Variants in FCHSD2 observed in about 807,000 individuals in gnomAD.
FCHSD2 encodes the protein F-BAR and double SH3 domains protein 2.
FCHSD2 carries 38 observed loss-of-function variants against 108.1 expected under a neutral mutation model. The observed-to-expected ratio is 0.35, with a 90% CI of 0.27 to 0.46. The LOEUF (loss-of-function observed/expected upper bound fraction) is 0.46. FCHSD2 is among the 20% of genes least tolerant of loss of function. FCHSD2 has a pLI of 1.00. For synonymous variants in FCHSD2, 279 were observed against 314.7 expected (o/e 0.89, Z 1.20); for missense variants, 751 against 897.8 (o/e 0.84, Z 2.09).
chr11:72,840,849 C>T (rs768476009), intron 19 of FCHSD2, 28 bp downstream of exon 19: 10 of 1,522,080 alleles, frequency 6.6e-6, no homozygotes, highest in Admixed American at 3.3e-5. Context: ...ACTATGCATT[C>T]GATAATCCTG....
intron 5 of FCHSD2, among the ~76,000 whole-genome samples, chr11:72,989,959 G>C (rs1339275493): frequency 6.6e-6 from 1 of 152,182 alleles, no homozygotes; most frequent in Admixed American, 6.5e-5. Context: ...TAGTGTGGAG[G>C]AGGGCAAGGA....
intron 3 of FCHSD2, among the ~76,000 whole-genome samples, chr11:73,022,842 ACAGATAGAT>A (rs1858140011): frequency 6.6e-6 from 1 of 152,132 alleles, no homozygotes; most frequent in Non-Finnish European, 1.5e-5. Context: ...AAAAGAATGG[ACAGATAGAT>A]CAGTGGAACA....
chr11:72,839,346 AGAG>A (rs1301552086), intron 19 of FCHSD2, among the ~76,000 whole-genome samples: 25 of 152,342 alleles, frequency 1.6e-4, no homozygotes, highest in African/African-American at 5.1e-4. Flanking sequence ...TGTAGGCAAA[AGAG>A]GAGTTTTTGG....
At chr11:72,857,475 G>T (rs1242002619) in intron 13 of FCHSD2, among the ~76,000 whole-genome samples, 42 of 110,048 alleles carry the variant, frequency 3.8e-4, no homozygotes, top group Middle Eastern at 7.9e-3. Context: ...TTTCACTCTT[G>T]TCGCCCAGGC....
At chr11:72,903,560 C>A (rs1855571580) in intron 9 of FCHSD2, among the ~76,000 whole-genome samples, 1 of 151,840 alleles carries the variant, frequency 6.6e-6, no homozygotes, top group Non-Finnish European at 1.5e-5. Context: ...GGCAGCATAA[C>A]AAATAGCACA....
chr11:73,097,758 A>C (rs1293286626), intron 2 of FCHSD2, among the ~76,000 whole-genome samples: 1 of 151,906 alleles, frequency 6.6e-6, no homozygotes, highest in African/African-American at 2.4e-5. Flanking sequence ...TTTTTGAAGA[A>C]TTATTATTCA....
At chr11:73,107,479 A>AT (rs1238546494) in intron 2 of FCHSD2, among the ~76,000 whole-genome samples, 1 of 152,226 alleles carries the variant, frequency 6.6e-6, no homozygotes, top group Admixed American at 6.5e-5. Flanking sequence ...CGCCTCAAGC[A>AT]TTTACGCTTT....
At chr11:72,927,406 T>C (rs1057437263) in intron 8 of FCHSD2, among the ~76,000 whole-genome samples, 47 of 152,178 alleles carry the variant, frequency 3.1e-4, no homozygotes, top group Admixed American at 7.2e-4. Flanking sequence ...GATGATGGTG[T>C]CAGTGTAGGT....
chr11:73,112,967 G>A (rs891422530), intron 2 of FCHSD2, among the ~76,000 whole-genome samples: 4 of 152,118 alleles, frequency 2.6e-5, no homozygotes, highest in Admixed American at 6.5e-5. Context: ...CCCTCGGCCA[G>A]ATATGCCCTT....
intron 19 of FCHSD2, among the ~76,000 whole-genome samples, chr11:72,840,238 A>C (rs1860872780): frequency 6.6e-6 from 1 of 152,230 alleles, no homozygotes. Context: ...ATAAAGACTC[A>C]AGTCCTTAAG....
At position 72,837,662 on chromosome 11, in the gene FCHSD2, G is replaced by A. The variant is rs1860771644; in HGVS notation, c.*1129C>T. The stretch of plus-strand genomic sequence containing the variant: ...CACAGAAGACACTTGTCTTTTCCTG[G>A]TCAATCTGTACTTGTGCAGGGTGCG... On this transcript the variant is annotated 3_prime_UTR_variant, in exon 20 of 20. Coordinates refer to ENST00000409418, the MANE Select transcript of FCHSD2 (RefSeq NM_014824.3). 1 of 152,198 alleles carries A rather than the reference G, an allele frequency of 6.6e-6. No individual in the cohort carries two copies. The highest frequency in any genetic ancestry group is 2.1e-4 in the South Asian group (1 of 4,832). The allele number at this position is 152,198 out of a possible 1,614,324, so 9.4% of individuals were successfully genotyped here. A position where few individuals can be genotyped will look rare whatever the true frequency, so the allele number is the denominator to read the frequency against.
intron 12 of FCHSD2, among the ~76,000 whole-genome samples, chr11:72,880,469 A>G (rs972433833): frequency 1.3e-5 from 2 of 152,132 alleles, no homozygotes; most frequent in Non-Finnish European, 2.9e-5. Flanking sequence ...CCAATTTACA[A>G]AGGTGCTAAG....
At chr11:73,117,633 GCAAGCACAA>G (rs1860634768) in intron 2 of FCHSD2, among the ~76,000 whole-genome samples, 1 of 152,112 alleles carries the variant, frequency 6.6e-6, no homozygotes, top group African/African-American at 2.4e-5. Flanking sequence ...TTTTTAGTTT[GCAAGCACAA>G]GTAGGGGAAT....
At chr11:72,998,686 G>A (rs562198855) in intron 5 of FCHSD2, among the ~76,000 whole-genome samples, 2 of 152,182 alleles carry the variant, frequency 1.3e-5, no homozygotes, top group African/African-American at 4.8e-5. Context: ...AGCTAATAGT[G>A]GAGGAAAAAA....
chr11:73,004,889 C>T (rs928833849), intron 4 of FCHSD2, among the ~76,000 whole-genome samples: 3 of 152,174 alleles, frequency 2.0e-5, no homozygotes, highest in African/African-American at 7.2e-5. Flanking sequence ...TCTAATACGA[C>T]CACACTTTCA....
intron 2 of FCHSD2, among the ~76,000 whole-genome samples, chr11:73,128,206 C>T (rs534172212): frequency 6.6e-6 from 1 of 152,206 alleles, no homozygotes; most frequent in South Asian, 2.1e-4. Flanking sequence ...CAAATAATTT[C>T]TATGGAGTCT....
At chr11:73,039,155 T>C (rs576861927) in intron 3 of FCHSD2, among the ~76,000 whole-genome samples, 1 of 152,314 alleles carries the variant, frequency 6.6e-6, no homozygotes, top group East Asian at 1.9e-4. Flanking sequence ...CCTAAGAGTC[T>C]AGTTCAAGAC....
intron 6 of FCHSD2, among the ~76,000 whole-genome samples, chr11:72,987,579 T>C (rs911449756): frequency 6.6e-6 from 1 of 152,190 alleles, no homozygotes; most frequent in African/African-American, 2.4e-5. Context: ...AAAGTTAATA[T>C]TAATATGTCT....
At chr11:72,853,845 A>T (rs948886384) in intron 13 of FCHSD2, among the ~76,000 whole-genome samples, 1 of 152,240 alleles carries the variant, frequency 6.6e-6, no homozygotes, top group African/African-American at 2.4e-5. Context: ...TAATATCCAG[A>T]ATATATAAAG....
Sources: gnomAD v4.1 joint callset for allele counts (sites outside exome capture counted in the v4.1 genomes callset) on GRCh38, gnomAD v4.1.1 for gene constraint, MANE v1.5 for transcripts, NCBI Gene and HGNC (gene_info 2026-07-23, HGNC 2026-07-21) for gene names.